Variants in BDP1 observed in about 807,000 individuals in gnomAD.
The protein encoded by BDP1 is transcription factor TFIIIB component B'' homolog.
A neutral mutation model predicts 266.6 loss-of-function variants in BDP1; 169 were observed. That is an observed-to-expected ratio of 0.63 (90% CI 0.56 to 0.72). BDP1 has a LOEUF of 0.72. Ranked by LOEUF, BDP1 falls within the 30% of genes least tolerant of loss-of-function variation. The pLI, the probability that BDP1 is intolerant of heterozygous loss-of-function variation, is 0.00. For missense variants in BDP1, 3,015 were observed against 3,053.8 expected (o/e 0.99, Z 0.30); for synonymous variants, 1,090 against 1,022.4 (o/e 1.07, Z -1.26).
At chr5:71,499,924 A>G (rs1240987606) in intron 13 of BDP1, among the ~76,000 whole-genome samples, 1 of 151,964 alleles carries the variant, frequency 6.6e-6, no homozygotes, top group Admixed American at 6.6e-5. Context: ...CTTGTTATGC[A>G]TTGTCTTTTG....
At chr5:71,544,210 C>T in intron 30 of BDP1, 147 bp from the exon 31 acceptor site, 1 of 601,716 alleles carries the variant, frequency 1.7e-6, no homozygotes, top group Non-Finnish European at 2.8e-6. Flanking sequence ...GACTTTCTGC[C>T]ATGTGTATAA....
chr5:71,462,575 GA>G (rs1414925082), intron 3 of BDP1, among the ~76,000 whole-genome samples: 3 of 151,926 alleles, frequency 2.0e-5, no homozygotes, highest in East Asian at 3.9e-4. Flanking sequence ...GCAACATGGT[GA>G]AACCCTGTCT....
At chr5:71,506,882 G>A (rs1035996458) in intron 16 of BDP1, among the ~76,000 whole-genome samples, 1 of 151,688 alleles carries the variant, frequency 6.6e-6, no homozygotes, top group Non-Finnish European at 1.5e-5. Context: ...GTGCAGTGGT[G>A]TGATCATGGC....
At chr5:71,498,354 C>G (rs1245352885) in intron 13 of BDP1, among the ~76,000 whole-genome samples, 3 of 152,204 alleles carry the variant, frequency 2.0e-5, no homozygotes, top group Non-Finnish European at 4.4e-5. Context: ...CCTCAGCTTC[C>G]CAGTGTGCTG....
At chr5:71,528,749 G>A (rs1481698565) in intron 25 of BDP1, among the ~76,000 whole-genome samples, 1 of 152,092 alleles carries the variant, frequency 6.6e-6, no homozygotes, top group African/African-American at 2.4e-5. Context: ...TGCAAAATGA[G>A]GTTGTTTCTT....
rs377489969 is a variant in BDP1 at position 71,489,476 on chromosome 5, A to C, written c.1286A>C (p.Glu429Ala). Residue 429 changes from glutamate (E) to alanine (A), a missense_variant, in exon 10 of 39, where the codon GAA becomes GCA. Physicochemically the swap from Glu to Ala is moderately radical, Grantham distance 107. Around this residue, in one of 3 missense-constraint regions of BDP1, gnomAD observed 2,383 missense variants for 2,404.9 expected, o/e 0.99. Transcript: ENST00000358731. ...ESMSSRISDT[E>A]RSQKDAQTVE... is the part of the protein sequence containing the mutation. ...ATGAGTTCTAGAATTTCAGACACGGAAAGATCTCAGAAGGATGCTCAGACA... is the reference window on the plus strand; with the variant it reads ...ATGAGTTCTAGAATTTCAGACACGGCAAGATCTCAGAAGGATGCTCAGACA... 23 of 1,614,112 alleles carry C rather than the reference A, an allele frequency of 1.4e-5. 1 individual carries two copies. In the African/African-American group the frequency reaches 2.8e-4, roughly 20 times the overall value.
At chr5:71,480,744 A>G (rs535013595) in intron 7 of BDP1, among the ~76,000 whole-genome samples, 6 of 151,668 alleles carry the variant, frequency 4.0e-5, no homozygotes, top group African/African-American at 1.5e-4. Flanking sequence ...TTGTATTTTT[A>G]GCAGAGATGT....
At chr5:71,507,913 G>T (rs905190025) in intron 16 of BDP1, among the ~76,000 whole-genome samples, 5 of 152,174 alleles carry the variant, frequency 3.3e-5, no homozygotes, top group Non-Finnish European at 7.3e-5. Flanking sequence ...AGTGAGGAAG[G>T]ATAGTATAGG....
intron 19 of BDP1, among the ~76,000 whole-genome samples, chr5:71,513,762 C>A (rs762757523): frequency 1.2e-4 from 18 of 151,814 alleles, no homozygotes; most frequent in Non-Finnish European, 2.2e-4. Flanking sequence ...ACTCTGTTCC[C>A]AGGCTGGAGT....
chr5:71,483,996 C>T (rs1195851244), intron 8 of BDP1, 100 bp downstream of exon 8: 4 of 972,064 alleles, frequency 4.1e-6, no homozygotes, highest in Non-Finnish European at 6.3e-6. Context: ...TTGTTTTGTT[C>T]CTGTATTGGC....
At chr5:71,456,852 T>A (rs1049776009) in intron 1 of BDP1, among the ~76,000 whole-genome samples, 2 of 152,200 alleles carry the variant, frequency 1.3e-5, no homozygotes, top group Non-Finnish European at 2.9e-5. Flanking sequence ...TGGTCTCTGT[T>A]TCTATATATA....
chr5:71,472,259 A>C (rs547538847), intron 7 of BDP1, among the ~76,000 whole-genome samples: 1 of 152,308 alleles, frequency 6.6e-6, no homozygotes, highest in Non-Finnish European at 1.5e-5. Context: ...TCAGGAGTTC[A>C]AGACCAGCCA....
chr5:71,497,943 C>T (rs1319944030), intron 13 of BDP1, among the ~76,000 whole-genome samples: 1 of 152,042 alleles, frequency 6.6e-6, no homozygotes, highest in Non-Finnish European at 1.5e-5. Context: ...TGTGTGCCAC[C>T]AAACCCAGAT....
chr5:71,487,236 T>G (rs1763313165), intron 9 of BDP1, among the ~76,000 whole-genome samples: 1 of 152,074 alleles, frequency 6.6e-6, no homozygotes, highest in Non-Finnish European at 1.5e-5. Flanking sequence ...TTGTGTTGTT[T>G]TTTTCTTTTT....
intron 35 of BDP1, 131 bp from the exon 36 acceptor site, chr5:71,556,755 T>G (rs1743240934): frequency 1.2e-5 from 6 of 492,266 alleles, no homozygotes. Flanking sequence ...CCATAAATGT[T>G]TAGTAGAATT....
At chr5:71,532,094 A>C (rs575471600) in intron 25 of BDP1, among the ~76,000 whole-genome samples, 1 of 152,372 alleles carries the variant, frequency 6.6e-6, no homozygotes, top group East Asian at 1.9e-4. Flanking sequence ...TGGTTTTAAT[A>C]GTCACAGCCA....
Position 71,541,504 on chromosome 5 carries a change from C to A in BDP1, c.6073C>A (p.Pro2025Thr). The change falls in exon 29 of 39, where the codon CCT becomes ACT. Residue 2025 changes from proline to threonine, a missense_variant. Coordinates refer to ENST00000358731, the MANE Select transcript of BDP1 (RefSeq NM_018429.3). ...TCATTCAAAGGATAAAAGCCATATT[C>A]CTTCTAGCCTAGATAATGTAAATCA... Reference protein sequence around the residue: ...HVHSKDKSHIPSSLDNVNHKI... With the variant: ...HVHSKDKSHITSSLDNVNHKI... 6.3e-7 allele frequency: 1 copy of A among 1,598,788 alleles called. No homozygotes were observed. The highest frequency in any genetic ancestry group is 8.5e-7 in the Non-Finnish European group (1 of 1,170,780).
intron 13 of BDP1, among the ~76,000 whole-genome samples, chr5:71,499,156 A>G (rs1428942010): frequency 6.6e-6 from 1 of 152,092 alleles, no homozygotes; most frequent in Non-Finnish European, 1.5e-5. Flanking sequence ...CTGTGGTGCG[A>G]TGGCGTGATC....
At chr5:71,555,442 CTTTTT>C (rs780342284) in intron 35 of BDP1, among the ~76,000 whole-genome samples, 1 of 139,712 alleles carries the variant, frequency 7.2e-6, no homozygotes, top group Non-Finnish European at 1.6e-5. Context: ...TTTCTTTATT[CTTTTT>C]TTTTTTTTTG....
Sources: allele counts gnomAD v4.1 joint callset (sites outside exome capture counted in the v4.1 genomes callset), GRCh38; gene constraint gnomAD v4.1.1; regional missense constraint gnomAD v4.1.1; transcripts MANE v1.5; gene names NCBI Gene and HGNC (gene_info 2026-07-23, HGNC 2026-07-21).